ATXN7L1: variants seen among roughly 807,000 people sequenced by gnomAD.
ATXN7L1 encodes the protein ataxin-7-like protein 1.
In ATXN7L1, 15 loss-of-function variants were observed where a neutral mutation model predicts 70.8. The ratio of observed to expected loss-of-function variants is 0.21; its 90% CI spans 0.14 to 0.33. ATXN7L1 has a LOEUF of 0.33. Ranked by LOEUF, ATXN7L1 falls within the 10% of genes least tolerant of loss-of-function variation. ATXN7L1 has a pLI of 1.00. For synonymous variants in ATXN7L1, 440 were observed against 445.1 expected (o/e 0.99, Z 0.14); for missense variants, 975 against 1,097.1 (o/e 0.89, Z 1.57).
chr7:105,693,894 A>C (rs1014915386), intron 3 of ATXN7L1, among the ~76,000 whole-genome samples: 3 of 152,296 alleles, frequency 2.0e-5, no homozygotes, highest in South Asian at 2.1e-4. Context: ...TGCCTGATAC[A>C]TCACAGGAGA....
intron 2 of ATXN7L1, among the ~76,000 whole-genome samples, chr7:105,819,341 T>C (rs963394393): frequency 6.6e-6 from 1 of 151,894 alleles, no homozygotes; most frequent in Admixed American, 6.6e-5. Flanking sequence ...AAGCTTTCTG[T>C]ATCTGGGTTG....
At chr7:105,730,243 T>C (rs376765421) in intron 3 of ATXN7L1, among the ~76,000 whole-genome samples, 3 of 152,178 alleles carry the variant, frequency 2.0e-5, no homozygotes, top group East Asian at 1.9e-4. Context: ...TTACCCTTGA[T>C]GTATGTGATG....
At chr7:105,634,509 TAGATG>T (rs1178594103) in intron 7 of ATXN7L1, among the ~76,000 whole-genome samples, 1 of 152,176 alleles carries the variant, frequency 6.6e-6, no homozygotes, top group Non-Finnish European at 1.5e-5. Context: ...CTGCCTTTCT[TAGATG>T]AGAATTTTTT....
At chr7:105,687,002 C>G (rs1166960929) in intron 3 of ATXN7L1, among the ~76,000 whole-genome samples, 1 of 152,152 alleles carries the variant, frequency 6.6e-6, no homozygotes, top group Non-Finnish European at 1.5e-5. Flanking sequence ...CTTACTCAAC[C>G]TACCCCTAAT....
At chr7:105,698,618 A>G (rs1305501633) in intron 3 of ATXN7L1, among the ~76,000 whole-genome samples, 1 of 152,174 alleles carries the variant, frequency 6.6e-6, no homozygotes, top group Non-Finnish European at 1.5e-5. Context: ...TCGGCCTCCC[A>G]AAGTGCTGAG....
intron 3 of ATXN7L1, among the ~76,000 whole-genome samples, chr7:105,741,177 C>A (rs1297340678): frequency 6.6e-6 from 1 of 152,116 alleles, no homozygotes; most frequent in Non-Finnish European, 1.5e-5. Flanking sequence ...GGAGGCTCAG[C>A]TCTAGATGTG....
intron 7 of ATXN7L1, among the ~76,000 whole-genome samples, chr7:105,627,869 G>T (rs1795964188): frequency 7.8e-6 from 1 of 128,012 alleles, no homozygotes; most frequent in African/African-American, 3.0e-5. Flanking sequence ...TTTTGAGATG[G>T]AGTCTTGCTC....
intron 4 of ATXN7L1, among the ~76,000 whole-genome samples, chr7:105,643,355 T>A (rs1335352732): frequency 1.3e-5 from 2 of 152,086 alleles, no homozygotes; most frequent in African/African-American, 4.8e-5. Flanking sequence ...GCTGACTGAT[T>A]ACCGCCCGTG....
At chr7:105,810,431 GC>G (rs1353014135) in intron 2 of ATXN7L1, among the ~76,000 whole-genome samples, 1 of 152,224 alleles carries the variant, frequency 6.6e-6, no homozygotes, top group African/African-American at 2.4e-5. Context: ...AATAATGTCT[GC>G]TATAGAAAGG....
intron 2 of ATXN7L1, among the ~76,000 whole-genome samples, chr7:105,837,613 A>G (rs1487548514): frequency 4.6e-5 from 7 of 152,202 alleles, no homozygotes. Context: ...CACTTGGCAT[A>G]GATGTATCAT....
At chr7:105,775,116 A>G (rs1318252826) in intron 3 of ATXN7L1, among the ~76,000 whole-genome samples, 1 of 152,188 alleles carries the variant, frequency 6.6e-6, no homozygotes, top group Non-Finnish European at 1.5e-5. Context: ...GTTTTGCCCT[A>G]GACCTATCTA....
chr7:105,631,405 T>C (rs1321136037), intron 7 of ATXN7L1, among the ~76,000 whole-genome samples: 3 of 152,120 alleles, frequency 2.0e-5, no homozygotes, highest in African/African-American at 7.2e-5. Context: ...GACCTAAAGG[T>C]CATGTCTACC....
chr7:105,644,600 A>G (rs931333825), intron 4 of ATXN7L1, among the ~76,000 whole-genome samples: 1 of 152,162 alleles, frequency 6.6e-6, no homozygotes, highest in Non-Finnish European at 1.5e-5. Flanking sequence ...TTCTCAAAGC[A>G]CTCCCATATC....
chr7:105,655,842 C>T (rs35169189), intron 4 of ATXN7L1, among the ~76,000 whole-genome samples: 3,548 of 152,244 alleles, frequency 0.023, 66 homozygotes, highest in Non-Finnish European at 0.038. Context: ...AGAGGAGCCC[C>T]GCCTACCTGG....
At chr7:105,753,733 A>G (rs1248738853) in intron 3 of ATXN7L1, among the ~76,000 whole-genome samples, 1 of 152,270 alleles carries the variant, frequency 6.6e-6, no homozygotes, top group Non-Finnish European at 1.5e-5. Context: ...CAGCTAACTC[A>G]TCTTTCAGAG....
In ATXN7L1 at chr7:105,638,653, C is replaced by A. The variant is rs915916319; in HGVS notation, c.946-44G>T. On this transcript the variant is annotated intron_variant, in intron 6 of 11. Coordinates refer to ENST00000419735, the MANE Select transcript of ATXN7L1 (RefSeq NM_020725.2). ...AAAAGCACAGCCTCTTTGATCAGCA[C>A]ATAAACCTGCTTCCCCAGGCCCTCC... The A allele has an allele frequency of 9.4e-5, 140 of 1,495,368 alleles. 1 individual carries two copies. Among genetic ancestry groups the A allele is most frequent in the Non-Finnish European group, 1.2e-4 (137 of 1,120,440 alleles). 92.6% of individuals were successfully genotyped at this position (1,495,368 alleles called of 1,614,324 possible).
chr7:105,646,400 T>C (rs1421698437), intron 4 of ATXN7L1, among the ~76,000 whole-genome samples: 4 of 152,060 alleles, frequency 2.6e-5, no homozygotes, highest in Non-Finnish European at 4.4e-5. Context: ...GGTGAGAGGA[T>C]TGCTTGAGGC....
Position 105,687,123 on chromosome 7 carries a change from C to T in ATXN7L1, c.356-21835G>A, listed in dbSNP as rs191941185. Among the ~76,000 whole-genome samples, 260 of 152,256 alleles carry T rather than the reference C, an allele frequency of 1.7e-3. 1 individual carries two copies. The highest frequency in any genetic ancestry group is 1.9e-3 in the Non-Finnish European group (126 of 68,016). On this transcript the variant is annotated intron_variant, in intron 3 of 11. Transcript: ENST00000419735. ...CCACTGATGACTTTTAAACATATTCCTATCTTTCTCTCATTGCATTTCCTT... is the reference window on the plus strand; with the variant it reads ...CCACTGATGACTTTTAAACATATTCTTATCTTTCTCTCATTGCATTTCCTT...
At chr7:105,848,064 A>G (rs1409927840) in intron 2 of ATXN7L1, among the ~76,000 whole-genome samples, 6 of 152,252 alleles carry the variant, frequency 3.9e-5, no homozygotes, top group African/African-American at 1.4e-4. Context: ...AATGGGAAAA[A>G]AGATTAATAG....
Sources: gnomAD v4.1 joint callset for allele counts (sites outside exome capture counted in the v4.1 genomes callset) on GRCh38, gnomAD v4.1.1 for gene constraint, MANE v1.5 for transcripts, NCBI Gene and HGNC (gene_info 2026-07-23, HGNC 2026-07-21) for gene names.